ANO2: variants seen among roughly 807,000 people sequenced by gnomAD.
ANO2 encodes anoctamin-2.
Under a neutral mutation model 124.2 loss-of-function variants are expected in ANO2, and 101 were observed. That is an observed-to-expected ratio of 0.81 (90% CI 0.69 to 0.96). ANO2 has a LOEUF of 0.96. ANO2 is among the 40% of genes least tolerant of loss of function. ANO2 has a pLI of 0.00. For synonymous variants in ANO2, 486 were observed against 482.5 expected (o/e 1.01, Z -0.09); for missense variants, 1,293 against 1,274.5 (o/e 1.01, Z -0.22).
intron 14 of ANO2, among the ~76,000 whole-genome samples, chr12:5,707,237 C>T (rs1407584680): frequency 1.3e-5 from 2 of 152,146 alleles, no homozygotes; most frequent in Non-Finnish European, 2.9e-5. Flanking sequence ...ATAAGATGTG[C>T]TTTGCCTCCC....
intron 14 of ANO2, among the ~76,000 whole-genome samples, chr12:5,684,780 A>C (rs936316027): frequency 4.6e-5 from 7 of 152,092 alleles, no homozygotes; most frequent in African/African-American, 1.7e-4. Context: ...TGCAGCCCAC[A>C]TTGTTTACTT....
chr12:5,873,202 T>G (rs1350996516), intron 3 of ANO2, among the ~76,000 whole-genome samples: 20 of 35,308 alleles, frequency 5.7e-4, no homozygotes, highest in Middle Eastern at 7.6e-3. Flanking sequence ...AGCAGCTCTC[T>G]CTCTCTCTCT....
rs186154917 is a variant in ANO2 at position 5,591,119 on chromosome 12, G to T, written c.2233+8365C>A. Among the ~76,000 whole-genome samples, 300 of 152,330 alleles carry T rather than the reference G, an allele frequency of 2.0e-3. 2 individuals are homozygous for T. The highest frequency in any genetic ancestry group is 6.2e-3 in the African/African-American group (259 of 41,576). On this transcript the variant is annotated intron_variant, in intron 20 of 24. Coordinates refer to ENST00000682330, the MANE Select transcript of ANO2 (RefSeq NM_001364791.2). Reference sequence around the variant, plus strand: ...TGCTTGAACCTGGGAGGCAGAGGTTGCAGTGAGCCAAGATTGCGCCACTGC... The same window carrying T: ...TGCTTGAACCTGGGAGGCAGAGGTTTCAGTGAGCCAAGATTGCGCCACTGC...
chr12:5,923,787 G>A (rs1158108296), intron 1 of ANO2, among the ~76,000 whole-genome samples: 2 of 152,222 alleles, frequency 1.3e-5, no homozygotes, highest in Non-Finnish European at 2.9e-5. Flanking sequence ...GGAACCGCGA[G>A]TTGCCAAGGT....
intron 11 of ANO2, 122 bp downstream of exon 11, chr12:5,750,714 C>T (rs369990570): frequency 1.2e-5 from 12 of 1,041,724 alleles, no homozygotes; most frequent in African/African-American, 1.1e-4. Context: ...TGTGTCATAG[C>T]GAAGGAGAAT....
intron 1 of ANO2, among the ~76,000 whole-genome samples, chr12:5,940,162 C>T (rs909955880): frequency 3.3e-5 from 5 of 152,184 alleles, no homozygotes; most frequent in African/African-American, 1.2e-4. Flanking sequence ...GAGGCTCCTC[C>T]TGGAATGCCA....
At chr12:5,782,268 T>C (rs1952422306) in intron 10 of ANO2, among the ~76,000 whole-genome samples, 1 of 152,246 alleles carries the variant, frequency 6.6e-6, no homozygotes, top group African/African-American at 2.4e-5. Context: ...AGTTTTCTTT[T>C]AATTAGCGTT....
chr12:5,574,519 A>T (rs1187985147), intron 23 of ANO2, among the ~76,000 whole-genome samples: 1 of 152,204 alleles, frequency 6.6e-6, no homozygotes, highest in Admixed American at 6.5e-5. Flanking sequence ...CAATGTAACC[A>T]CATCCCAGTC....
At position 5,921,031 on chromosome 12, in the gene ANO2, C is replaced by A; in HGVS notation, c.534+9G>T. 6.3e-7 allele frequency: 1 copy of A among 1,599,292 alleles called. No individual in the cohort carries two copies. Among genetic ancestry groups the A allele is most frequent in the Non-Finnish European group, 8.6e-7 (1 of 1,168,970 alleles). ...CATCTCCAAGTCCCTGGCCACCCGC[C>A]TGACTCACCTCCAAGTCCTTCTCAA... is the stretch of plus-strand genomic sequence containing the variant. On this transcript the variant is annotated intron_variant, in intron 3 of 24. Transcript: ENST00000682330.
intron 14 of ANO2, among the ~76,000 whole-genome samples, chr12:5,659,376 A>G (rs949142365): frequency 5.3e-5 from 8 of 152,236 alleles, no homozygotes; most frequent in Admixed American, 5.2e-4. Flanking sequence ...TGCTCCCCAC[A>G]GCCCAAGCAC....
intron 1 of ANO2, among the ~76,000 whole-genome samples, chr12:5,937,336 C>G (rs1172664385): frequency 6.6e-6 from 1 of 152,198 alleles, no homozygotes; most frequent in Non-Finnish European, 1.5e-5. Flanking sequence ...TTTCATATAC[C>G]TGTTGGCCAC....
At chr12:5,752,522 A>G (rs906313168) in intron 10 of ANO2, among the ~76,000 whole-genome samples, 1 of 152,086 alleles carries the variant, frequency 6.6e-6, no homozygotes, top group East Asian at 1.9e-4. Flanking sequence ...TGAAATGTCT[A>G]TTTAGGTCCT....
chr12:5,678,922 G>T (rs1196365721), intron 14 of ANO2, among the ~76,000 whole-genome samples: 1 of 152,162 alleles, frequency 6.6e-6, no homozygotes, highest in African/African-American at 2.4e-5. Flanking sequence ...CAACTGTAAG[G>T]ATCTACATTT....
At chr12:5,756,976 A>C (rs1202678794) in intron 10 of ANO2, among the ~76,000 whole-genome samples, 1 of 152,254 alleles carries the variant, frequency 6.6e-6, no homozygotes, top group Non-Finnish European at 1.5e-5. Flanking sequence ...AGCAGTGAAC[A>C]GGCAGTGCTG....
intron 14 of ANO2, among the ~76,000 whole-genome samples, chr12:5,666,709 T>C (rs251772): frequency 0.16 from 23,953 of 151,980 alleles, 2,192 homozygotes; most frequent in African/African-American, 0.26. Context: ...GAAGACTCTT[T>C]GGTGGCTGTG....
At chr12:5,786,642 C>A (rs967393147) in intron 10 of ANO2, among the ~76,000 whole-genome samples, 25 of 152,182 alleles carry the variant, frequency 1.6e-4, no homozygotes, top group Non-Finnish European at 1.0e-4. Flanking sequence ...CCTAGAGTCC[C>A]TTTGCCATCA....
chr12:5,725,833 C>T (rs1950416752), intron 14 of ANO2, among the ~76,000 whole-genome samples: 1 of 152,038 alleles, frequency 6.6e-6, no homozygotes. Flanking sequence ...ATTAGCTCTT[C>T]GTATTGTCTC....
At chr12:5,725,091 T>C in intron 14 of ANO2, among the ~76,000 whole-genome samples, 1 of 70,958 alleles carries the variant, frequency 1.4e-5, no homozygotes, top group African/African-American at 5.0e-5. Context: ...TCTCCTTGTC[T>C]CCCTCTCACA....
chr12:5,896,942 A>C (rs1469839034), intron 3 of ANO2, among the ~76,000 whole-genome samples: 2 of 152,180 alleles, frequency 1.3e-5, no homozygotes, highest in African/African-American at 4.8e-5. Context: ...TGGAAATATA[A>C]ATTTTGGAGT....
Sources: allele counts gnomAD v4.1 joint callset (sites outside exome capture counted in the v4.1 genomes callset), GRCh38; gene constraint gnomAD v4.1.1; transcripts MANE v1.5; gene names NCBI Gene and HGNC (gene_info 2026-07-23, HGNC 2026-07-21).